DLC1: variants seen among roughly 807,000 people sequenced by gnomAD.
The protein encoded by DLC1 is DLC1 Rho GTPase activating protein, also known as rho GTPase-activating protein 7.
Under a neutral mutation model 140.3 loss-of-function variants are expected in DLC1, and 54 were observed. The observed-to-expected ratio is 0.38, with a 90% confidence interval of 0.31 to 0.48. The LOEUF (loss-of-function observed/expected upper bound fraction) is 0.48. DLC1 is among the 20% of genes least tolerant of loss of function. The pLI is 0.96. For synonymous variants in DLC1, 986 were observed against 728.1 expected (o/e 1.35, Z -5.70); for missense variants, 2,536 against 1,907.0 (o/e 1.33, Z -6.14).
At chr8:13,358,712 AT>A (rs1263200813) in intron 4 of DLC1, among the ~76,000 whole-genome samples, 2 of 152,098 alleles carry the variant, frequency 1.3e-5, no homozygotes, top group Non-Finnish European at 2.9e-5. Flanking sequence ...GCTAACAAAG[AT>A]AAAGGAAATG....
At chr8:13,122,080 C>A (rs964095178) in intron 5 of DLC1, among the ~76,000 whole-genome samples, 1 of 152,176 alleles carries the variant, frequency 6.6e-6, no homozygotes, top group African/African-American at 2.4e-5. Flanking sequence ...AGCCTCACCC[C>A]TCCCTGCCCC....
At chr8:13,274,147 C>A (rs1188284) in intron 5 of DLC1, among the ~76,000 whole-genome samples, 103,469 of 151,964 alleles carry the variant, frequency 0.68, 35,870 homozygotes, top group East Asian at 0.92. Flanking sequence ...GCCATTAGTT[C>A]ATGTTTGGTG....
At chr8:13,248,442 C>G in intron 5 of DLC1, among the ~76,000 whole-genome samples, 1 of 152,152 alleles carries the variant, frequency 6.6e-6, no homozygotes, top group East Asian at 1.9e-4. Flanking sequence ...CTTATTCTCC[C>G]AACTCTTTTG....
At chr8:13,464,100 G>C (rs572904226) in intron 2 of DLC1, among the ~76,000 whole-genome samples, 3 of 152,194 alleles carry the variant, frequency 2.0e-5, no homozygotes, top group Non-Finnish European at 4.4e-5. Flanking sequence ...GGGGAAACCA[G>C]CAGGGTTGTT....
chr8:13,424,035 A>C (rs957243178), intron 2 of DLC1, among the ~76,000 whole-genome samples: 1 of 152,222 alleles, frequency 6.6e-6, no homozygotes, highest in Non-Finnish European at 1.5e-5. Flanking sequence ...AACAATCCTA[A>C]GAAATGTCTT....
At chr8:13,393,816 G>T in intron 3 of DLC1, 123 bp from the exon 4 acceptor site, 1 of 1,141,650 alleles carries the variant, frequency 8.8e-7, no homozygotes, top group Non-Finnish European at 1.2e-6. Context: ...CTAAAGAGTT[G>T]CTGACAACTG....
chr8:13,241,320 T>C (rs1829535734), intron 5 of DLC1, among the ~76,000 whole-genome samples: 1 of 152,224 alleles, frequency 6.6e-6, no homozygotes, highest in Non-Finnish European at 1.5e-5. Context: ...TGCAAATACA[T>C]ACTGTAAACT....
intron 4 of DLC1, among the ~76,000 whole-genome samples, chr8:13,388,918 T>G (rs758059788): frequency 2.0e-5 from 3 of 152,052 alleles, no homozygotes; most frequent in Non-Finnish European, 4.4e-5. Flanking sequence ...CATTCAAATA[T>G]TAGTGACATT....
At chr8:13,089,630 A>G (rs1246271436) in intron 15 of DLC1, among the ~76,000 whole-genome samples, 2 of 152,238 alleles carry the variant, frequency 1.3e-5, no homozygotes, top group Non-Finnish European at 2.9e-5. Context: ...ATCTCAAAAA[A>G]TATAAATAAA....
chr8:13,212,608 G>T (rs1025500731), intron 5 of DLC1, among the ~76,000 whole-genome samples: 1 of 152,058 alleles, frequency 6.6e-6, no homozygotes, highest in African/African-American at 2.4e-5. Flanking sequence ...ATAGTTTAAT[G>T]TGAGAAAATA....
chr8:13,594,807 T>A (rs536297506), intron 1 of DLC1, among the ~76,000 whole-genome samples: 1 of 151,624 alleles, frequency 6.6e-6, no homozygotes, highest in East Asian at 2.0e-4. Flanking sequence ...TCAAGCAAGT[T>A]AGAAGAAATG....
chr8:13,169,496 T>C (rs1384765651), intron 5 of DLC1, among the ~76,000 whole-genome samples: 2 of 152,218 alleles, frequency 1.3e-5, no homozygotes, highest in Admixed American at 6.5e-5. Context: ...AGAAATTCAC[T>C]AAAGAACAGC....
In DLC1 at chr8:13,367,618, C is replaced by T. The variant is rs190692090; in HGVS notation, c.1314+25935G>A. On this transcript the variant is annotated intron_variant, in intron 4 of 17. Transcript: ENST00000276297. ...TGTTTTCTTTACATAGTCTAGCACACTGAATCTTTCCTGTATCCTTTGAAG... is the reference window on the plus strand; with the variant it reads ...TGTTTTCTTTACATAGTCTAGCACATTGAATCTTTCCTGTATCCTTTGAAG... 2.7e-3 allele frequency among the ~76,000 whole-genome samples: 413 copies of T among 152,296 alleles called. 1 individual carries two copies. The highest frequency in any genetic ancestry group is 4.7e-3 in the Non-Finnish European group (322 of 68,026).
intron 7 of DLC1, among the ~76,000 whole-genome samples, chr8:13,103,289 C>T (rs1007453121): frequency 2.0e-5 from 3 of 150,488 alleles, no homozygotes; most frequent in Non-Finnish European, 4.4e-5. Context: ...CCAGCCTGGG[C>T]GACAGAGTGA....
At chr8:13,403,996 G>C (rs958510125) in intron 2 of DLC1, among the ~76,000 whole-genome samples, 5 of 151,896 alleles carry the variant, frequency 3.3e-5, no homozygotes, top group Non-Finnish European at 7.4e-5. Context: ...TTTCCATCCA[G>C]TAATGCCCCA....
chr8:13,442,268 C>A (rs1798549131), intron 2 of DLC1, among the ~76,000 whole-genome samples: 1 of 152,140 alleles, frequency 6.6e-6, no homozygotes, highest in Non-Finnish European at 1.5e-5. Flanking sequence ...AAAACCTGTG[C>A]AATACCATTC....
chr8:13,449,561 A>G lies in DLC1; in HGVS notation c.1024-47942T>C, dbSNP rs289635. Among the ~76,000 whole-genome samples, 373 of 152,126 alleles carry G rather than the reference A, an allele frequency of 2.5e-3. 3 individuals carry two copies. The highest frequency in any genetic ancestry group is 8.3e-3 in the African/African-American group (346 of 41,494). On this transcript the variant is annotated intron_variant, in intron 2 of 17. Transcript: ENST00000276297. Reference sequence around the variant, plus strand: ...ATTTCCCCATCATTCTCAGCAAACTATCGCAAGGACAAAAAACCAAACACT... The same window carrying G: ...ATTTCCCCATCATTCTCAGCAAACTGTCGCAAGGACAAAAAACCAAACACT...
chr8:13,250,355 C>T (rs1829949818), intron 5 of DLC1, among the ~76,000 whole-genome samples: 3 of 152,286 alleles, frequency 2.0e-5, no homozygotes, highest in Admixed American at 6.5e-5. Flanking sequence ...TGGTTGAAGT[C>T]AGCTGGCCCA....
At chr8:13,137,969 C>G (rs1401425322) in intron 5 of DLC1, among the ~76,000 whole-genome samples, 1 of 152,150 alleles carries the variant, frequency 6.6e-6, no homozygotes, top group Non-Finnish European at 1.5e-5. Flanking sequence ...TCCCATTCAA[C>G]TGTGGTATTA....
Sources: gnomAD v4.1 joint callset for allele counts (sites outside exome capture counted in the v4.1 genomes callset) on GRCh38, gnomAD v4.1.1 for gene constraint, MANE v1.5 for transcripts, NCBI Gene and HGNC (gene_info 2026-07-23, HGNC 2026-07-21) for gene names.